The following INPP4B variants were observed in gnomAD, a reference collection of about 807,000 sequenced individuals.
INPP4B encodes inositol polyphosphate-4-phosphatase type II B.
INPP4B carries 55 observed loss-of-function variants against 122.5 expected under a neutral mutation model. The observed-to-expected ratio is 0.45, with a 90% confidence interval of 0.36 to 0.56. The LOEUF is 0.56. INPP4B is among the 20% of genes least tolerant of loss of function. The probability of loss-of-function intolerance (pLI) is 0.00; values close to 1 mark genes in which losing one functional copy is unlikely to be tolerated. For missense variants in INPP4B, 1,000 were observed against 1,097.7 expected (o/e 0.91, Z 1.26); for synonymous variants, 403 against 388.7 (o/e 1.04, Z -0.43).
At chr4:142,029,005 A>G (rs748408516) in intron 25 of INPP4B, 91 bp from the exon 26 acceptor site, 37 of 1,481,180 alleles carry the variant, frequency 2.5e-5, no homozygotes, top group East Asian at 1.7e-4. Flanking sequence ...CAACCATCCA[A>G]GTAAAAATAA....
intron 2 of INPP4B, among the ~76,000 whole-genome samples, chr4:142,553,256 T>A (rs6537111): frequency 0.93 from 142,044 of 152,186 alleles, 66,645 homozygotes; most frequent in East Asian, 0.99. Flanking sequence ...TGCTTTCATT[T>A]TCACCTCTAC....
At chr4:142,088,504 T>TTG (rs3836670) in intron 23 of INPP4B, among the ~76,000 whole-genome samples, 96,417 of 150,860 alleles carry the variant, frequency 0.64, 32,693 homozygotes, top group Non-Finnish European at 0.75. Flanking sequence ...CAATGTGTGC[T>TTG]TGTGTGTGTG....
At chr4:142,344,932 G>A (rs879657409) in intron 7 of INPP4B, among the ~76,000 whole-genome samples, 2 of 151,994 alleles carry the variant, frequency 1.3e-5, no homozygotes, top group Non-Finnish European at 2.9e-5. Context: ...TTTGTGTCAT[G>A]TAGTTAGTAC....
intron 7 of INPP4B, among the ~76,000 whole-genome samples, chr4:142,352,671 GA>G (rs923826200): frequency 4.6e-5 from 7 of 151,816 alleles, no homozygotes; most frequent in African/African-American, 1.5e-4. Flanking sequence ...GAGAAAAACA[GA>G]AACCCTTCCA....
chr4:142,307,053 C>T (rs564731127), intron 8 of INPP4B, among the ~76,000 whole-genome samples: 199 of 152,198 alleles, frequency 1.3e-3, no homozygotes, highest in Admixed American at 2.0e-3. Context: ...AGATGAGGAA[C>T]ATTAGGCAAA....
At chr4:142,798,221 A>G (rs1580941523) in intron 1 of INPP4B, among the ~76,000 whole-genome samples, 1 of 151,896 alleles carries the variant, frequency 6.6e-6, no homozygotes, top group African/African-American at 2.4e-5. Context: ...ATTTTTACAC[A>G]TAAAAAGCAA....
chr4:142,530,845 G>A (rs887122102), intron 2 of INPP4B, among the ~76,000 whole-genome samples: 15 of 152,054 alleles, frequency 9.9e-5, no homozygotes, highest in African/African-American at 3.4e-4. Flanking sequence ...AAGAAGGCCA[G>A]TGTGGGCTAG....
chr4:142,607,803 G>C (rs1284761143), intron 2 of INPP4B, among the ~76,000 whole-genome samples: 2 of 152,096 alleles, frequency 1.3e-5, no homozygotes, highest in African/African-American at 2.4e-5. Flanking sequence ...AGGATCAAGA[G>C]AGTTGAAGTC....
In INPP4B at chr4:142,562,298, AT is replaced by A. The variant is rs570635027; in HGVS notation, c.-190-99573del. The stretch of plus-strand genomic sequence containing the variant: ...AAACAATAACTTCTGCCACTGAATG[AT>A]TGTTATAAGCCTCAGTACCTTCAAT... On this transcript the variant is annotated intron_variant, in intron 2 of 25. Transcript: ENST00000262992. Among the ~76,000 whole-genome samples the A allele has an allele frequency of 1.1e-3, 175 of 152,332 alleles. 1 individual carries two copies. Among genetic ancestry groups the A allele is most frequent in the Admixed American group, 3.2e-3 (49 of 15,306 alleles).
At chr4:142,196,677 T>A (rs1838359275) in intron 14 of INPP4B, among the ~76,000 whole-genome samples, 1 of 152,164 alleles carries the variant, frequency 6.6e-6, no homozygotes, top group Non-Finnish European at 1.5e-5. Flanking sequence ...GTAGTTCACT[T>A]TTATATGAGT....
At chr4:142,135,582 C>T (rs538955558) in intron 18 of INPP4B, among the ~76,000 whole-genome samples, 37 of 152,264 alleles carry the variant, frequency 2.4e-4, no homozygotes, top group African/African-American at 7.7e-4. Flanking sequence ...CTGTCCACTT[C>T]GCTTGATTCA....
At chr4:142,294,848 A>AG (rs1462669885) in intron 9 of INPP4B, among the ~76,000 whole-genome samples, 1 of 147,176 alleles carries the variant, frequency 6.8e-6, no homozygotes, top group East Asian at 2.0e-4. Context: ...AAAAAAAAAA[A>AG]AAAAAAAAGG....
intron 16 of INPP4B, among the ~76,000 whole-genome samples, chr4:142,165,054 C>A (rs150015066): frequency 1.3e-5 from 2 of 151,814 alleles, no homozygotes; most frequent in South Asian, 2.1e-4. Context: ...TCCCATAGTT[C>A]AACTGTCATC....
chr4:142,189,114 A>G (rs1369417515), intron 15 of INPP4B, among the ~76,000 whole-genome samples: 1 of 152,188 alleles, frequency 6.6e-6, no homozygotes, highest in African/African-American at 2.4e-5. Flanking sequence ...TTACAGTAGT[A>G]AGAAAACTTC....
chr4:142,265,937 G>A (rs1225974592), intron 10 of INPP4B, among the ~76,000 whole-genome samples: 1 of 152,160 alleles, frequency 6.6e-6, no homozygotes, highest in African/African-American at 2.4e-5. Flanking sequence ...ATACTATAGT[G>A]ACATAGTCTG....
intron 7 of INPP4B, among the ~76,000 whole-genome samples, chr4:142,363,116 T>TA (rs1456870628): frequency 6.6e-6 from 1 of 151,992 alleles, no homozygotes; most frequent in Non-Finnish European, 1.5e-5. Context: ...GAACCATCAG[T>TA]AGAGGGAAGG....
intron 8 of INPP4B, 114 bp from the exon 9 acceptor site, chr4:142,305,651 CT>C: frequency 6.7e-7 from 1 of 1,488,366 alleles, no homozygotes; most frequent in Non-Finnish European, 9.1e-7. Flanking sequence ...ATCTATTAGC[CT>C]GACAAATATT....
At chr4:142,245,158 C>A (rs1727298296) in intron 11 of INPP4B, among the ~76,000 whole-genome samples, 1 of 152,084 alleles carries the variant, frequency 6.6e-6, no homozygotes, top group Non-Finnish European at 1.5e-5. Flanking sequence ...AATTTTCTCC[C>A]ATTCTTTAGG....
chr4:142,808,403 A>G (rs1050384642), intron 1 of INPP4B, among the ~76,000 whole-genome samples: 3 of 152,200 alleles, frequency 2.0e-5, no homozygotes, highest in Non-Finnish European at 4.4e-5. Context: ...AATGATTTAT[A>G]ATACCTGTTT....
Sources: gnomAD v4.1 joint callset for allele counts (sites outside exome capture counted in the v4.1 genomes callset) on GRCh38, gnomAD v4.1.1 for gene constraint, MANE v1.5 for transcripts, NCBI Gene and HGNC (gene_info 2026-07-23, HGNC 2026-07-21) for gene names.